VRK2: variants seen among roughly 807,000 people sequenced by gnomAD.
The protein encoded by VRK2 is VRK serine/threonine kinase 2.
A neutral mutation model predicts 57.6 loss-of-function variants in VRK2; 60 were observed. The observed-to-expected ratio is 1.04, with a 90% CI of 0.85 to 1.29. VRK2 has a LOEUF of 1.29. Ranked by LOEUF, VRK2 falls within the 50% of genes most tolerant of loss-of-function variation. The pLI, the probability that VRK2 is intolerant of heterozygous loss-of-function variation, is 0.00. For missense variants in VRK2, 705 were observed against 588.1 expected, an observed-to-expected ratio of 1.20 and a Z score of -2.06; for synonymous variants, 231 against 199.2, an observed-to-expected ratio of 1.16 and a Z score of -1.35.
At chr2:57,952,177 C>A (rs1249819817) in intron 1 of VRK2, among the ~76,000 whole-genome samples, 1 of 151,870 alleles carries the variant, frequency 6.6e-6, no homozygotes, top group Non-Finnish European at 1.5e-5. Context: ...TTAATAGACA[C>A]AGTATAATGT....
intron 7 of VRK2, among the ~76,000 whole-genome samples, chr2:58,111,123 A>C (rs562208761): frequency 6.6e-6 from 1 of 152,256 alleles, no homozygotes; most frequent in African/African-American, 2.4e-5. Context: ...AGTTAAAATT[A>C]GTTGTTTATT....
chr2:57,935,442 G>A (rs1425619955), intron 1 of VRK2, among the ~76,000 whole-genome samples: 1 of 152,092 alleles, frequency 6.6e-6, no homozygotes, highest in Non-Finnish European at 1.5e-5. Context: ...GAAGTTTTTA[G>A]GCCTTTTTAC....
intron 1 of VRK2, among the ~76,000 whole-genome samples, chr2:57,940,552 C>A (rs549894212): frequency 1.1e-5 from 1 of 91,538 alleles, no homozygotes; most frequent in South Asian, 3.1e-4. Context: ...AACCATCATA[C>A]AGTCTATTTA....
chr2:57,980,617 C>A (rs1672392613), intron 1 of VRK2, among the ~76,000 whole-genome samples: 1 of 151,898 alleles, frequency 6.6e-6, no homozygotes, highest in African/African-American at 2.4e-5. Flanking sequence ...ATGATTTGTC[C>A]AACACTGTCA....
chr2:57,910,125 A>T (rs73942219), intron 1 of VRK2, among the ~76,000 whole-genome samples: 5,302 of 152,094 alleles, frequency 0.035, 327 homozygotes, highest in African/African-American at 0.12. Flanking sequence ...AAAAAAAAAA[A>T]ACATTCCCAT....
intron 12 of VRK2, chr2:58,147,177 A>G (rs754174432): frequency 1.5e-5 from 8 of 518,298 alleles, no homozygotes; most frequent in Non-Finnish European, 3.1e-5. Context: ...CAGCTGGGAT[A>G]TTAATCACTA....
chr2:57,958,288 T>C (rs1007789943), intron 1 of VRK2, among the ~76,000 whole-genome samples: 1 of 152,142 alleles, frequency 6.6e-6, no homozygotes, highest in Admixed American at 6.6e-5. Flanking sequence ...ATCAGCTTCA[T>C]TGTACTTCTT....
chr2:58,131,543 G>A (rs1181103532), intron 8 of VRK2, among the ~76,000 whole-genome samples: 12 of 152,136 alleles, frequency 7.9e-5, no homozygotes, highest in Non-Finnish European at 1.8e-4. Flanking sequence ...TGGGGATCAA[G>A]TTCATGTGAC....
chr2:58,100,247 C>T (rs1470984812), intron 7 of VRK2, among the ~76,000 whole-genome samples: 1 of 151,914 alleles, frequency 6.6e-6, no homozygotes, highest in Non-Finnish European at 1.5e-5. Context: ...AAGAATTTTG[C>T]ATGGAATGTG....
At chr2:57,991,918 A>G (rs1452339481) in intron 1 of VRK2, among the ~76,000 whole-genome samples, 2 of 151,240 alleles carry the variant, frequency 1.3e-5, no homozygotes, top group Non-Finnish European at 2.9e-5. Flanking sequence ...AGATCGCGCC[A>G]CTGCACTCCA....
intron 2 of VRK2, among the ~76,000 whole-genome samples, chr2:58,080,756 T>A (rs1670748204): frequency 6.6e-6 from 1 of 151,922 alleles, no homozygotes; most frequent in Non-Finnish European, 1.5e-5. Flanking sequence ...GGTTTGTCTC[T>A]TATAAATACA....
At chr2:58,013,314 T>C (rs868039600) in intron 1 of VRK2, among the ~76,000 whole-genome samples, 23 of 152,360 alleles carry the variant, frequency 1.5e-4, no homozygotes, top group African/African-American at 5.5e-4. Context: ...TTTGTGTCTG[T>C]TATTTACACA....
At chr2:58,021,544 A>G (rs1013359006) in intron 1 of VRK2, among the ~76,000 whole-genome samples, 2 of 152,230 alleles carry the variant, frequency 1.3e-5, no homozygotes, top group Admixed American at 1.3e-4. Context: ...ATGACCGTTT[A>G]TCTGGGTTTA....
chr2:57,941,849 T>C (rs772614908), intron 1 of VRK2, among the ~76,000 whole-genome samples: 2 of 152,208 alleles, frequency 1.3e-5, no homozygotes, highest in East Asian at 1.9e-4. Flanking sequence ...CAAGAGTGTA[T>C]ATGTGAATTA....
chr2:57,951,844 A>G (rs1419866033), intron 1 of VRK2, among the ~76,000 whole-genome samples: 1 of 152,006 alleles, frequency 6.6e-6, no homozygotes. Flanking sequence ...CCTGGGCTCA[A>G]GTGATCCTCC....
intron 1 of VRK2, among the ~76,000 whole-genome samples, chr2:58,009,551 ATCAT>A (rs1439549783): frequency 3.3e-5 from 5 of 149,518 alleles, no homozygotes; most frequent in African/African-American, 9.9e-5. Flanking sequence ...CACTCAATCA[ATCAT>A]TTTGTTTTCA....
At chr2:58,014,712 A>G (rs1260968191) in intron 1 of VRK2, among the ~76,000 whole-genome samples, 1 of 152,244 alleles carries the variant, frequency 6.6e-6, no homozygotes, top group Non-Finnish European at 1.5e-5. Flanking sequence ...CTCGCCTTTG[A>G]AAAATTTATA....
intron 1 of VRK2, among the ~76,000 whole-genome samples, chr2:58,017,513 C>T (rs1326417721): frequency 6.6e-6 from 1 of 152,120 alleles, no homozygotes; most frequent in Non-Finnish European, 1.5e-5. Context: ...CCGCTGGGGC[C>T]TCTTCATGGC....
At chr2:57,986,596 A>ATTTTT (rs11452161) in intron 1 of VRK2, among the ~76,000 whole-genome samples, 3 of 124,540 alleles carry the variant, frequency 2.4e-5, no homozygotes, top group Admixed American at 8.7e-5. Flanking sequence ...AGTTCAATCG[A>ATTTTT]TTTTTTTTTT....
Sources: allele counts gnomAD v4.1 joint callset (sites outside exome capture counted in the v4.1 genomes callset), GRCh38; gene constraint gnomAD v4.1.1; transcripts MANE v1.5; gene names NCBI Gene and HGNC (gene_info 2026-07-23, HGNC 2026-07-21).